Variants in SLC25A26 observed in about 807,000 individuals in gnomAD.
SLC25A26 encodes the protein solute carrier family 25 member 26.
In SLC25A26, 36 loss-of-function variants were observed where a neutral mutation model predicts 37.8. The ratio of observed to expected loss-of-function variants is 0.95; its 90% CI spans 0.73 to 1.26. The LOEUF is 1.26. Among genes scored for constraint, SLC25A26 ranks in the 50% most tolerant of loss-of-function variants. The pLI, the probability that SLC25A26 is intolerant of heterozygous loss-of-function variation, is 0.00. For synonymous variants in SLC25A26, 129 were observed against 122.5 expected, an observed-to-expected ratio of 1.05 and a Z score of -0.35; for missense variants, 390 against 331.1, an observed-to-expected ratio of 1.18 and a Z score of -1.38.
At position 66,211,752 on chromosome 3, in the gene SLC25A26, C is replaced by A. The variant is rs963482867; in HGVS notation, c.-353-8990C>A. On this transcript the variant is annotated intron_variant, in intron 1 of 10. Transcript: ENST00000676754. ...TTCACAAGCATTTCATTTTTGAAAT[C>A]AAATATTTTAAATGCATTCCATCTC... Among the ~76,000 whole-genome samples, 1,428 of 152,250 alleles carry A rather than the reference C, an allele frequency of 9.4e-3. 19 individuals are homozygous for A. The highest frequency in any genetic ancestry group is 0.032 in the African/African-American group (1,337 of 41,548).
chr3:66,220,178 G>T (rs568847464), upstream of SLC25A26, among the ~76,000 whole-genome samples: 1 of 152,256 alleles, frequency 6.6e-6, no homozygotes, highest in East Asian at 1.9e-4. Flanking sequence ...ACATTGAGTC[G>T]GTTACTTGTT....
At chr3:66,370,645 C>T (rs747372723) in intron 9 of SLC25A26, 43 bp downstream of exon 9, 5 of 1,505,336 alleles carry the variant, frequency 3.3e-6, no homozygotes, top group Non-Finnish European at 4.6e-6. Flanking sequence ...CTCTCCACCA[C>T]TCCTCCTCCT....
chr3:66,276,025 G>A (rs987896009), intron 5 of SLC25A26, among the ~76,000 whole-genome samples: 6 of 152,026 alleles, frequency 3.9e-5, no homozygotes, highest in Non-Finnish European at 8.8e-5. Context: ...AAGGTCAAAT[G>A]TAGTTTTTTA....
chr3:66,273,711 C>G (rs2074034347), intron 5 of SLC25A26, among the ~76,000 whole-genome samples: 1 of 152,056 alleles, frequency 6.6e-6, no homozygotes, highest in South Asian at 2.1e-4. Flanking sequence ...AGGACCTCTT[C>G]AAGGAGAACT....
intron 8 of SLC25A26, among the ~76,000 whole-genome samples, chr3:66,370,150 G>A (rs1428889810): frequency 2.6e-5 from 4 of 152,174 alleles, no homozygotes; most frequent in African/African-American, 4.8e-5. Flanking sequence ...ACATTTAAAC[G>A]GCACTCTATT....
At chr3:66,195,822 T>C (rs2071036540) in intron 1 of SLC25A26, among the ~76,000 whole-genome samples, 1 of 152,378 alleles carries the variant, frequency 6.6e-6, no homozygotes, top group African/African-American at 2.4e-5. Flanking sequence ...GAAACCTCTA[T>C]TGATCTGGGG....
At chr3:66,253,261 G>A (rs1439475195) in intron 3 of SLC25A26, among the ~76,000 whole-genome samples, 2 of 151,474 alleles carry the variant, frequency 1.3e-5, no homozygotes, top group Admixed American at 1.3e-4. Context: ...GCAAAAAAAA[G>A]TTAGTCGGGC....
chr3:66,252,035 G>A (rs2073104872), intron 3 of SLC25A26, among the ~76,000 whole-genome samples: 1 of 152,154 alleles, frequency 6.6e-6, no homozygotes, highest in African/African-American at 2.4e-5. Flanking sequence ...TTGAAGAAAC[G>A]ATTCTGAGCC....
intron 1 of SLC25A26, among the ~76,000 whole-genome samples, chr3:66,180,568 C>A (rs1270475543): frequency 6.6e-6 from 1 of 152,160 alleles, no homozygotes; most frequent in East Asian, 1.9e-4. Context: ...ATGTTTTGCA[C>A]AAAACTTGCT....
intron 5 of SLC25A26, among the ~76,000 whole-genome samples, chr3:66,295,036 A>T (rs2074850729): frequency 6.6e-6 from 1 of 152,202 alleles, no homozygotes; most frequent in African/African-American, 2.4e-5. Flanking sequence ...TCTCATAAAA[A>T]CTGGTTGGAT....
intron 9 of SLC25A26, 33 bp from the exon 10 acceptor site, chr3:66,377,657 G>A (rs762046196): frequency 3.2e-5 from 49 of 1,528,302 alleles, no homozygotes; most frequent in Admixed American, 1.3e-4. Flanking sequence ...TTTAAAATAC[G>A]CACAACATTA....
chr3:66,170,517 G>A (rs1410423600), intron 1 of SLC25A26, among the ~76,000 whole-genome samples: 1 of 152,162 alleles, frequency 6.6e-6, no homozygotes, highest in Non-Finnish European at 1.5e-5. Flanking sequence ...AAGCACTGTT[G>A]TAGCTACTTT....
chr3:66,212,012 C>A (rs1166453227), intron 1 of SLC25A26, among the ~76,000 whole-genome samples: 1 of 152,142 alleles, frequency 6.6e-6, no homozygotes, highest in Non-Finnish European at 1.5e-5. Context: ...CCGAGTGAAC[C>A]GAACCGCAGT....
intron 1 of SLC25A26, among the ~76,000 whole-genome samples, chr3:66,190,846 G>A (rs2070928575): frequency 6.6e-6 from 1 of 152,230 alleles, no homozygotes. Flanking sequence ...AGGACAGTGT[G>A]TAAATATGAA....
intron 1 of SLC25A26, among the ~76,000 whole-genome samples, chr3:66,157,491 G>T (rs1051188111): frequency 6.6e-6 from 1 of 152,176 alleles, no homozygotes; most frequent in Non-Finnish European, 1.5e-5. Context: ...TATACTATGA[G>T]GTAGGTACTA....
At chr3:66,290,040 TG>T (rs374689982) in intron 5 of SLC25A26, among the ~76,000 whole-genome samples, 53 of 152,324 alleles carry the variant, frequency 3.5e-4, no homozygotes, top group African/African-American at 1.3e-3. Context: ...TCACATCTGT[TG>T]TAAGTTGTAG....
rs1035316877 is a variant in SLC25A26, at chr3:66,256,094, G to A, written c.301-5957G>A. Among the ~76,000 whole-genome samples the A allele has an allele frequency of 5.9e-5, 9 of 152,206 alleles. No homozygotes were observed. In the East Asian group the frequency reaches 1.5e-3, roughly 26 times the overall value. The stretch of plus-strand genomic sequence containing the variant: ...CCTATTTTCTTCACATATTGGGGTC[G>A]GATTTCACTCTTGACCTCTTGAATT... On this transcript the variant is annotated intron_variant, in intron 3 of 9. Transcript: ENST00000354883.
intron 1 of SLC25A26, among the ~76,000 whole-genome samples, chr3:66,197,551 G>A (rs1310398767): frequency 6.6e-6 from 1 of 152,108 alleles, no homozygotes; most frequent in Non-Finnish European, 1.5e-5. Context: ...GATGAGGATT[G>A]AAATAATTGT....
chr3:66,248,560 T>A (rs1435520326), intron 3 of SLC25A26, among the ~76,000 whole-genome samples: 1 of 152,222 alleles, frequency 6.6e-6, no homozygotes, highest in Non-Finnish European at 1.5e-5. Context: ...CTTTTGTCTT[T>A]ATTCATATTG....
Sources: gnomAD v4.1 joint callset for allele counts (sites outside exome capture counted in the v4.1 genomes callset) on GRCh38, gnomAD v4.1.1 for gene constraint, MANE v1.5 for transcripts, NCBI Gene and HGNC (gene_info 2026-07-23, HGNC 2026-07-21) for gene names.